The following PIBF1 variants were observed in gnomAD, a reference collection of about 807,000 sequenced individuals.
The protein encoded by PIBF1 is progesterone immunomodulatory binding factor 1.
In PIBF1, 90 loss-of-function variants were observed where a neutral mutation model predicts 112.5. The ratio of observed to expected loss-of-function variants is 0.80; its 90% CI spans 0.67 to 0.95. The LOEUF is 0.95. PIBF1 is among the 40% of genes least tolerant of loss of function. PIBF1 has a pLI of 0.00. For synonymous variants in PIBF1, 301 were observed against 288.6 expected (o/e 1.04, Z -0.44); for missense variants, 915 against 852.3 (o/e 1.07, Z -0.92).
chr13:72,947,719 A>G (rs550371295), intron 14 of PIBF1, among the ~76,000 whole-genome samples: 1 of 152,324 alleles, frequency 6.6e-6, no homozygotes, highest in South Asian at 2.1e-4. Context: ...CATTTGACCC[A>G]GCAATCCCAT....
intron 14 of PIBF1, among the ~76,000 whole-genome samples, chr13:72,963,706 A>G (rs1051698073): frequency 6.6e-6 from 1 of 152,088 alleles, no homozygotes; most frequent in Admixed American, 6.5e-5. Context: ...ATTATTAAGA[A>G]TATATAGAGA....
At chr13:72,947,460 C>T (rs943313216) in intron 14 of PIBF1, among the ~76,000 whole-genome samples, 3 of 152,218 alleles carry the variant, frequency 2.0e-5, no homozygotes, top group Non-Finnish European at 4.4e-5. Flanking sequence ...GACATTTTCA[C>T]CATTGTCTTG....
At chr13:72,928,698 C>G (rs1216700098) in intron 13 of PIBF1, among the ~76,000 whole-genome samples, 1 of 152,160 alleles carries the variant, frequency 6.6e-6, no homozygotes, top group African/African-American at 2.4e-5. Context: ...CCTCAGTCTC[C>G]CAAAGTGCTG....
intron 13 of PIBF1, among the ~76,000 whole-genome samples, chr13:72,924,019 T>C (rs574741185): frequency 3.2e-4 from 49 of 152,308 alleles, no homozygotes; most frequent in Non-Finnish European, 2.1e-4. Context: ...TGTATGTTTA[T>C]TGTGTTAAGG....
intron 17 of PIBF1, among the ~76,000 whole-genome samples, chr13:73,006,909 GGCTTTGT>G (rs1250054506): frequency 6.6e-6 from 1 of 151,878 alleles, no homozygotes; most frequent in Non-Finnish European, 1.5e-5. Flanking sequence ...TTTCTGCAAT[GGCTTTGT>G]GCTCTCTTTC....
chr13:72,928,173 GCATCATAAATGA>G (rs1310867615), intron 13 of PIBF1, among the ~76,000 whole-genome samples: 2 of 150,950 alleles, frequency 1.3e-5, no homozygotes, highest in African/African-American at 4.9e-5. Flanking sequence ...TTATCATTAT[GCATCATAAATGA>G]CATCAACAGT....
At chr13:72,806,104 G>A (rs1038433740) in intron 5 of PIBF1, among the ~76,000 whole-genome samples, 1 of 152,108 alleles carries the variant, frequency 6.6e-6, no homozygotes, top group African/African-American at 2.4e-5. Context: ...TTATTTTCAT[G>A]TATACAATTC....
At chr13:72,874,823 T>C (rs1484496973) in intron 10 of PIBF1, among the ~76,000 whole-genome samples, 1 of 152,184 alleles carries the variant, frequency 6.6e-6, no homozygotes, top group African/African-American at 2.4e-5. Context: ...AGGTACAGAT[T>C]GCTCATATAA....
chr13:73,013,731 CAAAAAAAAAA>C lies in PIBF1; in HGVS notation c.2224-2125_2224-2116del, dbSNP rs113104076. The stretch of plus-strand genomic sequence containing the variant: ...TGGGTAACAGAGCAAGAGCCTATCT[CAAAAAAAAAA>C]AAAAAAAAAAAAGAAAAAGAAAAAA... On this transcript the variant is annotated intron_variant, in intron 17 of 17. Transcript: ENST00000326291. Among the ~76,000 whole-genome samples, 144 of 113,074 alleles carry C rather than the reference CAAAAAAAAAA, an allele frequency of 1.3e-3. 1 individual carries two copies. The highest frequency in any genetic ancestry group is 3.5e-3 in the African/African-American group (121 of 34,424). 74.2% of individuals were successfully genotyped at this position (113,074 alleles called of 152,430 possible). A position where few individuals can be genotyped will look rare whatever the true frequency, so the allele number is the denominator to read the frequency against.
chr13:72,923,655 T>C (rs1406381853), intron 13 of PIBF1, among the ~76,000 whole-genome samples: 1 of 152,206 alleles, frequency 6.6e-6, no homozygotes, highest in Non-Finnish European at 1.5e-5. Flanking sequence ...ACCATGTTTA[T>C]AGTTATTCTT....
intron 16 of PIBF1, among the ~76,000 whole-genome samples, chr13:72,987,636 CTTTT>C (rs2043331909): frequency 6.7e-6 from 1 of 149,232 alleles, no homozygotes. Flanking sequence ...CTTGAGCCTT[CTTTT>C]TATTTATTTA....
chr13:72,995,723 G>A (rs1358497905), intron 16 of PIBF1, among the ~76,000 whole-genome samples: 1 of 151,950 alleles, frequency 6.6e-6, no homozygotes, highest in Non-Finnish European at 1.5e-5. Flanking sequence ...AGGCCGAGGC[G>A]AGTGGATCAC....
intron 16 of PIBF1, among the ~76,000 whole-genome samples, chr13:72,981,020 G>T (rs1443846466): frequency 1.3e-5 from 2 of 151,276 alleles, no homozygotes; most frequent in Non-Finnish European, 2.9e-5. Context: ...GGAAGTGGGT[G>T]GATCCCTTGA....
chr13:72,903,029 A>G (rs564546566), intron 11 of PIBF1, among the ~76,000 whole-genome samples: 14 of 151,848 alleles, frequency 9.2e-5, no homozygotes, highest in African/African-American at 3.1e-4. Context: ...CCGAGTAGCT[A>G]AGATTACAGG....
chr13:73,011,205 A>G (rs2044193349), intron 17 of PIBF1, among the ~76,000 whole-genome samples: 2 of 152,192 alleles, frequency 1.3e-5, no homozygotes, highest in African/African-American at 4.8e-5. Flanking sequence ...AGGCCAATAC[A>G]GAGAATGATG....
Position 72,874,193 on chromosome 13 carries a change from G to C in PIBF1, c.1323-19591G>C, listed in dbSNP as rs530685883. ...TGTGACTGTGTCAAACAGTTTGACA[G>C]TTTTTAAGAAGGTTAAACATAAACT... is the stretch of plus-strand genomic sequence containing the variant. On this transcript the variant is annotated intron_variant, in intron 10 of 17. Coordinates refer to ENST00000326291, the MANE Select transcript of PIBF1 (RefSeq NM_006346.4). Among the ~76,000 whole-genome samples the C allele has an allele frequency of 5.9e-5, 9 of 152,250 alleles. No individual in the cohort carries two copies. In the South Asian group the frequency reaches 1.9e-3, roughly 32 times the overall value.
chr13:72,952,284 C>G (rs2042320791), intron 14 of PIBF1, among the ~76,000 whole-genome samples: 1 of 151,964 alleles, frequency 6.6e-6, no homozygotes, highest in Non-Finnish European at 1.5e-5. Context: ...AAGCTCCTGA[C>G]CTCAGGTGAT....
At chr13:72,793,375 A>G (rs1449408903) in intron 3 of PIBF1, among the ~76,000 whole-genome samples, 1 of 152,148 alleles carries the variant, frequency 6.6e-6, no homozygotes, top group East Asian at 1.9e-4. Flanking sequence ...CTATCACACT[A>G]GATTAGTGGA....
rs184680236 is a variant in PIBF1 at position 72,989,640 on chromosome 13, T to G, written c.2050-9182T>G. The stretch of plus-strand genomic sequence containing the variant: ...AAAGCAATCAGAGTTTCTTAGGTTT[T>G]GGTTTGTTTTTGTTTTTTGTTTCTT... On this transcript the variant is annotated intron_variant, in intron 16 of 17. Coordinates refer to ENST00000326291, the MANE Select transcript of PIBF1 (RefSeq NM_006346.4). Among the ~76,000 whole-genome samples, 366 of 152,306 alleles carry G rather than the reference T, an allele frequency of 2.4e-3. 1 individual carries two copies. The highest frequency in any genetic ancestry group is 4.4e-3 in the Non-Finnish European group (298 of 68,028).
Sources: gnomAD v4.1 joint callset for allele counts (sites outside exome capture counted in the v4.1 genomes callset) on GRCh38, gnomAD v4.1.1 for gene constraint, MANE v1.5 for transcripts, NCBI Gene and HGNC (gene_info 2026-07-23, HGNC 2026-07-21) for gene names.